The following FANCD2 variants were observed in gnomAD, a reference collection of about 807,000 sequenced individuals.
The protein encoded by FANCD2 is Fanconi anemia group D2 protein.
FANCD2 carries 131 observed loss-of-function variants against 192.3 expected under a neutral mutation model. The observed-to-expected ratio is 0.68, with a 90% CI of 0.59 to 0.79. The LOEUF is 0.79. FANCD2 is among the 30% of genes least tolerant of loss of function. The pLI is 0.00. For synonymous variants in FANCD2, 524 were observed against 612.5 expected, an observed-to-expected ratio of 0.86 and a Z score of 2.13; for missense variants, 1,508 against 1,701.6, an observed-to-expected ratio of 0.89 and a Z score of 2.00.
At chr3:10,027,021 T>C (rs143795867) in intron 1 of FANCD2, among the ~76,000 whole-genome samples, 159 of 152,330 alleles carry the variant, frequency 1.0e-3, no homozygotes, top group African/African-American at 3.8e-3. Context: ...ATGAGAATAA[T>C]GGTACCCACC....
intron 28 of FANCD2, among the ~76,000 whole-genome samples, chr3:10,074,045 A>G (rs1349344515): frequency 6.6e-6 from 1 of 152,144 alleles, no homozygotes; most frequent in Non-Finnish European, 1.5e-5. Flanking sequence ...TCCCGGGTTC[A>G]AGCGATTCTC....
intron 18 of FANCD2, among the ~76,000 whole-genome samples, chr3:10,054,734 C>T (rs1206852246): frequency 4.6e-5 from 7 of 151,024 alleles, no homozygotes; most frequent in Non-Finnish European, 7.4e-5. Context: ...CCGCCAGCCT[C>T]GGCCTCCCAA....
chr3:10,046,202 T>C (rs1167840503), intron 14 of FANCD2, among the ~76,000 whole-genome samples: 1 of 151,944 alleles, frequency 6.6e-6, no homozygotes, highest in African/African-American at 2.4e-5. Flanking sequence ...TATAGGTGCA[T>C]GCTGCCACAC....
intron 17 of FANCD2, among the ~76,000 whole-genome samples, chr3:10,052,065 C>A (rs2087235471): frequency 1.3e-5 from 2 of 151,538 alleles, no homozygotes; most frequent in Admixed American, 1.3e-4. Flanking sequence ...AATGACTAAG[C>A]AGTAGATGAT....
At chr3:10,060,180 AAAC>A in intron 18 of FANCD2, 111 bp from the exon 19 acceptor site, 1 of 734,742 alleles carries the variant, frequency 1.4e-6, no homozygotes, top group South Asian at 1.6e-5. Flanking sequence ...AAAAAAAAAA[AAAC>A]AGTTAGTAAA....
At chr3:10,031,859 T>G (rs1473238617) in intron 2 of FANCD2, among the ~76,000 whole-genome samples, 1 of 152,098 alleles carries the variant, frequency 6.6e-6, no homozygotes, top group Non-Finnish European at 1.5e-5. Context: ...GCCTTTTTTT[T>G]CCTTTGAGAC....
chr3:10,062,739 T>C (rs1192583166), intron 20 of FANCD2, among the ~76,000 whole-genome samples: 8 of 151,900 alleles, frequency 5.3e-5, no homozygotes, highest in Admixed American at 5.2e-4. Flanking sequence ...AGATGGAGTC[T>C]CAACTCTGTC....
At chr3:10,088,030 A>G (rs1694329022) in intron 34 of FANCD2, among the ~76,000 whole-genome samples, 1 of 152,244 alleles carries the variant, frequency 6.6e-6, no homozygotes, top group Non-Finnish European at 1.5e-5. Flanking sequence ...AAGCAAGATA[A>G]AAATGCAAAA....
At position 10,081,344 on chromosome 3, in the gene FANCD2, AGT is replaced by A. The variant is rs2125059924; in HGVS notation, c.3107_3108del (p.Cys1036PhefsTer4). On this transcript the variant is annotated splice_acceptor_variant and coding_sequence_variant, in exon 32 of 44. Coordinates refer to ENST00000675286, the MANE Select transcript of FANCD2 (RefSeq NM_001018115.3). LOFTEE classifies it high-confidence loss of function. ...CTGTCCTAAAATCATTTTTATTTTT[AGT>A]GTTTAGCTGCTGAGAATCACGGTGT... is the stretch of plus-strand genomic sequence containing the variant. The A allele has an allele frequency of 1.2e-6, 2 of 1,613,282 alleles. No individual in the cohort carries two copies. The highest frequency in any genetic ancestry group is 1.7e-6 in the Non-Finnish European group (2 of 1,179,216).
chr3:10,101,377 CTTTTTT>C lies in FANCD2; in HGVS notation c.*135_*140del, dbSNP rs950337384. 1.2e-4 allele frequency: 47 copies of C among 388,370 alleles called. No homozygotes were observed. The highest frequency in any genetic ancestry group is 5.9e-4 in the Middle Eastern group (1 of 1,704). The allele number at this position is 388,370 out of a possible 1,614,324, so 24.1% of individuals were successfully genotyped here. ...ACTGGTAGGATCCTTTTTTGTTCCT[CTTTTTT>C]TTTTTTTTTTTTTTTTTTTAAAGAC... On this transcript the variant is annotated 3_prime_UTR_variant, in exon 44 of 44. Coordinates refer to ENST00000675286, the MANE Select transcript of FANCD2 (RefSeq NM_001018115.3).
chr3:10,029,433 C>T (rs529701922), intron 2 of FANCD2, among the ~76,000 whole-genome samples: 1 of 152,052 alleles, frequency 6.6e-6, no homozygotes, highest in Admixed American at 6.6e-5. Flanking sequence ...CTCAGGAGGT[C>T]GAGGGTGCAA....
intron 10 of FANCD2, 46 bp from the exon 11 acceptor site, chr3:10,042,513 G>A (rs769631118): frequency 7.4e-7 from 1 of 1,343,428 alleles, no homozygotes; most frequent in Middle Eastern, 1.9e-4. Context: ...CAAAGTTGAG[G>A]TAGTGACATG....
chr3:10,091,921 T>C (rs538267785), intron 37 of FANCD2, among the ~76,000 whole-genome samples: 22 of 152,320 alleles, frequency 1.4e-4, no homozygotes, highest in African/African-American at 5.3e-4. Flanking sequence ...GGTCAGTATA[T>C]GTTGCAAAGG....
intron 2 of FANCD2, among the ~76,000 whole-genome samples, chr3:10,029,150 G>C (rs1180455566): frequency 6.6e-6 from 1 of 152,190 alleles, no homozygotes; most frequent in East Asian, 1.9e-4. Context: ...CAAAGAAACA[G>C]TGCAGACTCT....
At chr3:10,033,104 T>C (rs1456202062) in intron 3 of FANCD2, 132 bp downstream of exon 3, 1 of 856,706 alleles carries the variant, frequency 1.2e-6, no homozygotes, top group Non-Finnish European at 1.9e-6. Flanking sequence ...AAGTTGAAAT[T>C]GCTTTTTAGA....
At chr3:10,028,411 T>C (rs1192320921) in intron 1 of FANCD2, among the ~76,000 whole-genome samples, 1 of 152,180 alleles carries the variant, frequency 6.6e-6, no homozygotes, top group Non-Finnish European at 1.5e-5. Context: ...AACAGCGAAG[T>C]AGTCTGCCTA....
chr3:10,064,512 C>T (rs564150983), intron 22 of FANCD2, 83 bp downstream of exon 22: 1 of 1,372,302 alleles, frequency 7.3e-7, no homozygotes, highest in Admixed American at 1.7e-5. Flanking sequence ...CTTCAGAATA[C>T]CCTTCACCTC....
intron 17 of FANCD2, among the ~76,000 whole-genome samples, chr3:10,049,907 G>T (rs562996800): frequency 6.6e-6 from 1 of 152,336 alleles, no homozygotes. Flanking sequence ...TGGGAAGTGC[G>T]TTCTAGGCAG....
intron 36 of FANCD2, 83 bp from the exon 37 acceptor site, chr3:10,090,209 G>A: frequency 1.1e-6 from 1 of 952,280 alleles, no homozygotes; most frequent in Non-Finnish European, 1.7e-6. Context: ...AGGGAAGGAA[G>A]CTACTTTTGG....
Sources: allele counts gnomAD v4.1 joint callset (sites outside exome capture counted in the v4.1 genomes callset), GRCh38; gene constraint gnomAD v4.1.1; transcripts MANE v1.5; gene names NCBI Gene and HGNC (gene_info 2026-07-23, HGNC 2026-07-21).